The following IPO9 variants were observed in gnomAD, a reference collection of about 807,000 sequenced individuals.
The protein encoded by IPO9 is importin 9.
A neutral mutation model predicts 128.6 loss-of-function variants in IPO9; 28 were observed. The ratio of observed to expected loss-of-function variants is 0.22; its 90% CI spans 0.16 to 0.30. The LOEUF (loss-of-function observed/expected upper bound fraction) is 0.30. IPO9 is among the 10% of genes least tolerant of loss of function. IPO9 has a pLI of 1.00. For missense variants in IPO9, 935 were observed against 1,293.9 expected (o/e 0.72, Z 4.26); for synonymous variants, 455 against 475.8 (o/e 0.96, Z 0.57).
At position 201,877,523 on chromosome 1, in the gene IPO9, G is replaced by A. The variant is rs1442538387; in HGVS notation, c.*1469G>A. ...CACACACACACACACAAATCATGGGGAGAAAGATGAAACCTGTGTTCCCCT... is the reference window on the plus strand; with the variant it reads ...CACACACACACACACAAATCATGGGAAGAAAGATGAAACCTGTGTTCCCCT... On this transcript the variant is annotated 3_prime_UTR_variant, in exon 24 of 24. Transcript: ENST00000361565. The A allele has an allele frequency of 6.6e-6, 1 of 151,300 alleles. No homozygotes were observed. The highest frequency in any genetic ancestry group is 6.6e-5 in the Admixed American group (1 of 15,150). 9.4% of individuals were successfully genotyped at this position (151,300 alleles called of 1,614,324 possible). A position where few individuals can be genotyped will look rare whatever the true frequency, so the allele number is the denominator to read the frequency against.
At chr1:201,841,007 G>C (rs528385003) in intron 1 of IPO9, among the ~76,000 whole-genome samples, 3 of 152,056 alleles carry the variant, frequency 2.0e-5, no homozygotes, top group African/African-American at 4.8e-5. Flanking sequence ...TTTTTGTATA[G>C]CTTTGACTCT....
Position 201,877,544 on chromosome 1 carries a change from C to A in IPO9, c.*1490C>A, listed in dbSNP as rs988946865. The A allele has an allele frequency of 7.9e-5, 12 of 151,950 alleles. No individual in the cohort carries two copies. Among genetic ancestry groups the A allele is most frequent in the African/African-American group, 2.9e-4 (12 of 41,358 alleles). The allele number at this position is 151,950 out of a possible 1,614,324, so 9.4% of individuals were successfully genotyped here. On this transcript the variant is annotated 3_prime_UTR_variant, in exon 24 of 24. Coordinates refer to ENST00000361565, the MANE Select transcript of IPO9 (RefSeq NM_018085.5). ...TGGGGAGAAAGATGAAACCTGTGTTCCCCTTTTTTTGGTAGTGCCCACATC... is the reference window on the plus strand; with the variant it reads ...TGGGGAGAAAGATGAAACCTGTGTTACCCTTTTTTTGGTAGTGCCCACATC...
chr1:201,852,001 T>C, intron 4 of IPO9, 103 bp from the exon 5 acceptor site: 1 of 656,146 alleles, frequency 1.5e-6, no homozygotes, highest in Non-Finnish European at 2.7e-6. Context: ...CTGTGTGCTG[T>C]CTGTTTGGGA....
intron 1 of IPO9, among the ~76,000 whole-genome samples, chr1:201,835,639 G>A (rs1278221019): frequency 6.6e-6 from 1 of 152,232 alleles, no homozygotes; most frequent in Non-Finnish European, 1.5e-5. Flanking sequence ...CCTCTTGGCA[G>A]TGTTGCCCTT....
Position 201,876,209 on chromosome 1 carries a change from A to T in IPO9, c.*155A>T. 1 of 739,462 alleles carries T rather than the reference A, an allele frequency of 1.4e-6. No individual in the cohort carries two copies. Among genetic ancestry groups the T allele is most frequent in the Non-Finnish European group, 2.5e-6 (1 of 396,756 alleles). 45.8% of individuals were successfully genotyped at this position (739,462 alleles called of 1,614,324 possible). On this transcript the variant is annotated 3_prime_UTR_variant, in exon 24 of 24. Transcript: ENST00000361565. ...AGTGACACTGATGACAATTCAGACC[A>T]GGCTCACCGGTGCCGTCACTTAGGA...
chr1:201,870,557 C>G lies in IPO9; in HGVS notation c.2134-26C>G. 1 of 1,602,216 alleles carries G rather than the reference C, an allele frequency of 6.2e-7. No homozygotes were observed. The highest frequency in any genetic ancestry group is 8.5e-7 in the Non-Finnish European group (1 of 1,171,802). The stretch of plus-strand genomic sequence containing the variant: ...TGGCATCTGTCCCTCGATTACTAAT[C>G]TTGCTTGCCACCCCTGTCTCCCCAG... On this transcript the variant is annotated intron_variant, in intron 17 of 23. Coordinates refer to ENST00000361565, the MANE Select transcript of IPO9 (RefSeq NM_018085.5). This position sits in a 1 kb window ranked among gnomAD's most constrained non-coding sequence, Gnocchi z 4.9.
chr1:201,875,328 G>A (rs1471622497), intron 23 of IPO9, 100 bp downstream of exon 23: 2 of 1,074,650 alleles, frequency 1.9e-6, no homozygotes, highest in East Asian at 2.4e-5. Flanking sequence ...GGTGGCTCAT[G>A]CCTGTAATCC....
At chr1:201,859,971 A>G (rs568534671) in intron 13 of IPO9, among the ~76,000 whole-genome samples, 2 of 151,678 alleles carry the variant, frequency 1.3e-5, no homozygotes, top group South Asian at 2.1e-4. Flanking sequence ...AAAAAAAAAA[A>G]GGTAGCCCTT....
rs988941508 is a variant in IPO9 at position 201,858,977 on chromosome 1, C to T, written c.1451C>T (p.Ala484Val). 1 of 1,608,644 alleles carries T rather than the reference C, an allele frequency of 6.2e-7. No homozygotes were observed. Among genetic ancestry groups the T allele is most frequent in the South Asian group, 1.1e-5 (1 of 90,736 alleles). ...GGGTTCCTGACCAATGTCATCCTTG[C>T]AGACCTCAACCTCTCAGGTATGTTT... ...MHGFLTNVILADLNLSVSPFL... is the reference protein window; with the variant it reads ...MHGFLTNVILVDLNLSVSPFL... Residue 484 changes from alanine (A) to valine (V), a missense_variant, in exon 13 of 24, where the codon GCA becomes GTA. Around this residue, in one of 3 missense-constraint regions of IPO9, gnomAD observed 741 missense variants for 1,019.1 expected, o/e 0.73. Transcript: ENST00000361565.
chr1:201,871,235 A>T lies in IPO9; in HGVS notation c.2484A>T (p.Pro828=). 1 of 1,614,132 alleles carries T rather than the reference A, an allele frequency of 6.2e-7. No homozygotes were observed. The highest frequency in any genetic ancestry group is 2.2e-5 in the East Asian group (1 of 44,878). Reference sequence around the variant, plus strand: ...TCTTGGAGTTCCTGTGTAGCCTCCCAGGACCTACTGGCAAACCTGCTCTAG... The same window carrying T: ...TCTTGGAGTTCCTGTGTAGCCTCCCTGGACCTACTGGCAAACCTGCTCTAG... The part of the protein sequence containing the change: ...EPLLEFLCSL[P]GPTGKPALEF... Residue 828 remains proline (P), a synonymous_variant, in exon 19 of 24, where the codon CCA becomes CCT. Coordinates refer to ENST00000361565, the MANE Select transcript of IPO9 (RefSeq NM_018085.5).
intron 6 of IPO9, 96 bp downstream of exon 6, chr1:201,853,193 C>A: frequency 1.1e-6 from 1 of 898,244 alleles, no homozygotes; most frequent in Non-Finnish European, 1.9e-6. Context: ...CGAAAAAGCA[C>A]ACTAACCAGT....
chr1:201,869,754 G>C, intron 17 of IPO9, 36 bp downstream of exon 17: 5 of 1,610,976 alleles, frequency 3.1e-6, no homozygotes, highest in Non-Finnish European at 4.2e-6. Flanking sequence ...AGGGAAGATA[G>C]CTCCCCAGCC....
At chr1:201,856,630 AAG>A (rs1680333303) in intron 10 of IPO9, among the ~76,000 whole-genome samples, 1 of 152,110 alleles carries the variant, frequency 6.6e-6, no homozygotes. Flanking sequence ...CTACATCAAA[AAG>A]AAAAGATTTT....
intron 1 of IPO9, among the ~76,000 whole-genome samples, chr1:201,836,782 GCT>G (rs1679949862): frequency 6.6e-6 from 1 of 152,148 alleles, no homozygotes; most frequent in East Asian, 1.9e-4. Context: ...ATGCAAATAA[GCT>G]CTTTGTCTTT....
rs1571532963 is a variant in IPO9, at chr1:201,829,200, G to A, written c.-10G>A. 2 of 1,531,816 alleles carry A rather than the reference G, an allele frequency of 1.3e-6. No homozygotes were observed. Among genetic ancestry groups the A allele is most frequent in the Non-Finnish European group, 1.7e-6 (2 of 1,143,866 alleles). The allele number at this position is 1,531,816 out of a possible 1,614,324, so 94.9% of individuals were successfully genotyped here. A position where few individuals can be genotyped will look rare whatever the true frequency, so the allele number is the denominator to read the frequency against. Reference sequence around the variant, plus strand: ...CCGGCCGCGGGGCTGGCGGGCTGAGGGGAGAAAAGATGGCGGCGGCGGCGG... The same window carrying A: ...CCGGCCGCGGGGCTGGCGGGCTGAGAGGAGAAAAGATGGCGGCGGCGGCGG... On this transcript the variant is annotated 5_prime_UTR_variant, in exon 1 of 24. Coordinates refer to ENST00000361565, the MANE Select transcript of IPO9 (RefSeq NM_018085.5).
intron 4 of IPO9, among the ~76,000 whole-genome samples, chr1:201,851,110 G>C (rs990263345): frequency 6.6e-6 from 1 of 151,838 alleles, no homozygotes; most frequent in Non-Finnish European, 1.5e-5. Context: ...TGACCTCCTG[G>C]GCTCAAGCGA....
intron 4 of IPO9, among the ~76,000 whole-genome samples, chr1:201,850,274 C>T (rs1049025091): frequency 1.3e-5 from 2 of 152,132 alleles, no homozygotes; most frequent in African/African-American, 4.8e-5. Flanking sequence ...TATTTTCAAA[C>T]GAGAGTAGAC....
intron 19 of IPO9, 77 bp from the exon 20 acceptor site, chr1:201,872,751 G>T: frequency 6.6e-7 from 1 of 1,509,928 alleles, no homozygotes. Context: ...GAGGGTCTTA[G>T]GACATAATTG....
At chr1:201,851,963 A>G (rs1342135096) in intron 4 of IPO9, 141 bp from the exon 5 acceptor site, 1 of 482,618 alleles carries the variant, frequency 2.1e-6, no homozygotes, top group Non-Finnish European at 3.7e-6. Flanking sequence ...GCTTTCACAG[A>G]ATGAGACCAC....
Sources: gnomAD v4.1 joint callset for allele counts (sites outside exome capture counted in the v4.1 genomes callset) on GRCh38, gnomAD v4.1.1 for gene constraint, gnomAD v4.1.1 regional missense constraint, Gnocchi (gnomAD v3.1) non-coding constraint, MANE v1.5 for transcripts, NCBI Gene and HGNC (gene_info 2026-07-23, HGNC 2026-07-21) for gene names.